Variants in ABL2 observed in about 807,000 individuals in gnomAD.
The protein encoded by ABL2 is tyrosine-protein kinase ABL2.
Under a neutral mutation model 107.7 loss-of-function variants are expected in ABL2, and 49 were observed. The ratio of observed to expected loss-of-function variants is 0.45; its 90% CI spans 0.36 to 0.58. The LOEUF is 0.58. ABL2 is among the 20% of genes least tolerant of loss of function. The pLI, the probability that ABL2 is intolerant of heterozygous loss-of-function variation, is 0.00. For synonymous variants in ABL2, 549 were observed against 548.6 expected (o/e 1.00, Z -0.01); for missense variants, 1,245 against 1,457.0 (o/e 0.85, Z 2.37).
At chr1:179,229,170 G>GGCCCCCCCCCCCCC in intron 1 of ABL2, 71 bp downstream of exon 1, 16 of 266,252 alleles carry the variant, frequency 6.0e-5, no homozygotes, top group Non-Finnish European at 6.8e-5. Flanking sequence ...CAGCCCGTCC[G>GGCCCCCCCCCCCCC]CCACCCACCC....
intron 1 of ABL2, among the ~76,000 whole-genome samples, chr1:179,215,384 G>A (rs1662506233): frequency 6.6e-6 from 1 of 152,090 alleles, no homozygotes; most frequent in Admixed American, 6.6e-5. Flanking sequence ...TAGTCTATAT[G>A]CTTCTGAATT....
At chr1:179,175,085 T>C (rs1363240390) in intron 1 of ABL2, among the ~76,000 whole-genome samples, 2 of 152,106 alleles carry the variant, frequency 1.3e-5, no homozygotes, top group African/African-American at 4.8e-5. Context: ...GGTCTTGCTA[T>C]GTTGCCCAGG....
rs2102612191 is a variant in ABL2 at position 179,117,319 on chromosome 1, C to T, written c.1408+13G>A. On this transcript the variant is annotated intron_variant, in intron 8 of 11. Coordinates refer to ENST00000502732, the MANE Select transcript of ABL2 (RefSeq NM_007314.4). The stretch of plus-strand genomic sequence containing the variant: ...AATAAAATGACACAGAAAAAAGTCC[C>T]TTTCAACCTTACCCCAGACGTCAGA... The T allele has an allele frequency of 6.2e-7, 1 of 1,613,530 alleles. No homozygotes were observed. The highest frequency in any genetic ancestry group is 8.5e-7 in the Non-Finnish European group (1 of 1,179,658).
Position 179,110,474 on chromosome 1 carries a change from G to GA in ABL2, c.1652-20dup, listed in dbSNP as rs1653944909. ...GCTACCTCTGTGAGGAAGACAAGGG[G>GA]ACCAATAAAAAGAACAATTTCATAG... is the stretch of plus-strand genomic sequence containing the variant. On this transcript the variant is annotated intron_variant, in intron 10 of 11. Coordinates refer to ENST00000502732, the MANE Select transcript of ABL2 (RefSeq NM_007314.4). 1.3e-6 allele frequency: 2 copies of GA among 1,584,204 alleles called. No homozygotes were observed. Among genetic ancestry groups the GA allele is most frequent in the Admixed American group, 2.0e-5 (1 of 50,946 alleles).
chr1:179,201,900 C>T, intron 1 of ABL2: 3 of 1,311,708 alleles, frequency 2.3e-6, no homozygotes, highest in Non-Finnish European at 2.9e-6. Context: ...TGAGGAAATG[C>T]CCCTCAATGT....
intron 1 of ABL2, among the ~76,000 whole-genome samples, chr1:179,167,781 A>G (rs1659475847): frequency 6.6e-6 from 1 of 152,240 alleles, no homozygotes; most frequent in African/African-American, 2.4e-5. Context: ...AGAGTTCAAG[A>G]CCAGCCTGGC....
rs945693275 is a variant in ABL2, at chr1:179,102,610, T to C, written c.*5108A>G. The C allele has an allele frequency of 4.4e-5, 10 of 228,710 alleles. No individual in the cohort carries two copies. In the Admixed American group the frequency reaches 4.5e-4, roughly 10 times the overall value. The allele number at this position is 228,710 out of a possible 1,614,324, so 14.2% of individuals were successfully genotyped here. On this transcript the variant is annotated 3_prime_UTR_variant, in exon 12 of 12. Coordinates refer to ENST00000502732, the MANE Select transcript of ABL2 (RefSeq NM_007314.4). ...CCCAAATCCAGGTGGAACAATTTAA[T>C]GCAAGATGATGAAACTCAAAAATCA...
At chr1:179,136,300 G>A (rs1158288717) in intron 1 of ABL2, among the ~76,000 whole-genome samples, 1 of 151,640 alleles carries the variant, frequency 6.6e-6, no homozygotes, top group African/African-American at 2.4e-5. Flanking sequence ...TTGAGAAATC[G>A]GATGGTTGCC....
intron 1 of ABL2, among the ~76,000 whole-genome samples, chr1:179,174,380 A>G (rs1272192115): frequency 6.6e-6 from 1 of 151,404 alleles, no homozygotes; most frequent in Non-Finnish European, 1.5e-5. Flanking sequence ...AGGCCAAGGC[A>G]GGCAGACCAC....
intron 1 of ABL2, among the ~76,000 whole-genome samples, chr1:179,210,689 C>T (rs969805947): frequency 2.0e-5 from 3 of 151,526 alleles, no homozygotes; most frequent in African/African-American, 7.3e-5. Context: ...ACCTCTACAA[C>T]AAAATACAAA....
At chr1:179,132,528 T>G (rs763693436) in intron 2 of ABL2, among the ~76,000 whole-genome samples, 59 of 147,204 alleles carry the variant, frequency 4.0e-4, no homozygotes, top group African/African-American at 1.2e-3. Context: ...TTATTATGAT[T>G]ATTATTATTA....
At chr1:179,123,041 G>C (rs1655374377) in intron 4 of ABL2, among the ~76,000 whole-genome samples, 1 of 152,134 alleles carries the variant, frequency 6.6e-6, no homozygotes, top group Non-Finnish European at 1.5e-5. Flanking sequence ...GATCAAAGTA[G>C]GCAAGCAAGG....
At chr1:179,220,139 T>A (rs1571343267) in intron 1 of ABL2, among the ~76,000 whole-genome samples, 2 of 152,212 alleles carry the variant, frequency 1.3e-5, no homozygotes. Context: ...AAACTATCAG[T>A]CCCAGCTCTA....
chr1:179,115,111 T>G (rs1377383082), intron 8 of ABL2, 81 bp from the exon 9 acceptor site: 1 of 1,381,604 alleles, frequency 7.2e-7, no homozygotes, highest in Non-Finnish European at 9.8e-7. Context: ...CTCTTTCATA[T>G]TTTAGGTAAC....
At chr1:179,187,458 A>G (rs545327853) in intron 1 of ABL2, among the ~76,000 whole-genome samples, 1 of 152,302 alleles carries the variant, frequency 6.6e-6, no homozygotes, top group South Asian at 2.1e-4. Context: ...AAAAAATAGT[A>G]CCCAATATTT....
chr1:179,136,520 T>C (rs1178898479), intron 1 of ABL2, among the ~76,000 whole-genome samples: 1 of 149,812 alleles, frequency 6.7e-6, no homozygotes, highest in Non-Finnish European at 1.5e-5. Context: ...AGCATGCTCC[T>C]TAAGAGTCAT....
chr1:179,107,871 G>A lies in ABL2; in HGVS notation c.3396C>T (p.Asn1132=), dbSNP rs781393179. The A allele has an allele frequency of 1.2e-6, 2 of 1,614,132 alleles. No individual in the cohort carries two copies. The highest frequency in any genetic ancestry group is 2.7e-5 in the African/African-American group (2 of 74,946). The part of the protein sequence containing the change: ...GYVDCIPQTR[N]KFAFREAVSK... ...TCACAGCCTCTCGGAAGGCAAATTT[G>A]TTGCGAGTTTGAGGGATGCAGTCCA... Residue 1132 remains asparagine (N), a synonymous_variant, in exon 12 of 12, where the codon AAC becomes AAT. Coordinates refer to ENST00000502732, the MANE Select transcript of ABL2 (RefSeq NM_007314.4).
chr1:179,198,583 C>T (rs1206987555), intron 1 of ABL2, among the ~76,000 whole-genome samples: 1 of 150,140 alleles, frequency 6.7e-6, no homozygotes, highest in Non-Finnish European at 1.5e-5. Context: ...ATCCCAGCTA[C>T]CCAGGAGGCT....
chr1:179,191,413 C>CTT (rs35362624), intron 1 of ABL2, among the ~76,000 whole-genome samples: 2,339 of 77,116 alleles, frequency 0.03, 24 homozygotes, highest in Non-Finnish European at 0.034. Flanking sequence ...TATGAAATCC[C>CTT]TTTTTTTTTT....
Sources: gnomAD v4.1 joint callset for allele counts (sites outside exome capture counted in the v4.1 genomes callset) on GRCh38, gnomAD v4.1.1 for gene constraint, MANE v1.5 for transcripts, NCBI Gene and HGNC (gene_info 2026-07-23, HGNC 2026-07-21) for gene names.